STK31: variants seen among roughly 807,000 people sequenced by gnomAD.
STK31 encodes serine/threonine kinase 31.
In STK31, 89 loss-of-function variants were observed where a neutral mutation model predicts 129.7. The ratio of observed to expected loss-of-function variants is 0.69; its 90% confidence interval spans 0.58 to 0.82. The LOEUF (loss-of-function observed/expected upper bound fraction) is 0.82. Ranked by LOEUF, STK31 falls within the 40% of genes least tolerant of loss-of-function variation. The pLI is 0.00. For missense variants in STK31, 1,187 were observed against 1,176.4 expected (o/e 1.01, Z -0.13); for synonymous variants, 448 against 395.3 (o/e 1.13, Z -1.58).
intron 23 of STK31, among the ~76,000 whole-genome samples, chr7:23,816,654 CCT>C (rs1793488123): frequency 6.6e-6 from 1 of 152,200 alleles, no homozygotes; most frequent in African/African-American, 2.4e-5. Flanking sequence ...AATCCTTTGC[CCT>C]GTTTCCATCA....
At chr7:23,715,213 T>G (rs1360975487) in intron 3 of STK31, among the ~76,000 whole-genome samples, 1 of 152,150 alleles carries the variant, frequency 6.6e-6, no homozygotes, top group Non-Finnish European at 1.5e-5. Flanking sequence ...CTCCATTTTT[T>G]TTTGCCCTGT....
At chr7:23,760,811 T>A (rs938087016) in intron 10 of STK31, among the ~76,000 whole-genome samples, 4 of 151,950 alleles carry the variant, frequency 2.6e-5, no homozygotes, top group African/African-American at 9.7e-5. Flanking sequence ...GGCGGTGTAC[T>A]ACCAACCATG....
intron 4 of STK31, among the ~76,000 whole-genome samples, chr7:23,719,157 T>A (rs1786529823): frequency 1.3e-5 from 2 of 152,098 alleles, no homozygotes; most frequent in Admixed American, 1.3e-4. Flanking sequence ...TTTTTTCACT[T>A]TAATTTTCAT....
chr7:23,729,511 GTTT>G (rs72476098), intron 6 of STK31, among the ~76,000 whole-genome samples: 1 of 121,732 alleles, frequency 8.2e-6, no homozygotes, highest in African/African-American at 3.4e-5. Flanking sequence ...GTCTCTTTTT[GTTT>G]TTTTTTTTTT....
At chr7:23,713,844 AAAAT>A (rs1786127156) in intron 3 of STK31, among the ~76,000 whole-genome samples, 1 of 151,916 alleles carries the variant, frequency 6.6e-6, no homozygotes, top group African/African-American at 2.4e-5. Context: ...GGAGTACACT[AAAAT>A]AAGAAAAATT....
chr7:23,781,808 G>T lies in STK31; in HGVS notation c.2067+288G>T, dbSNP rs571457445. 2.0e-5 allele frequency among the ~76,000 whole-genome samples: 3 copies of T among 152,202 alleles called. No homozygotes were observed. The East Asian group carries it at 5.8e-4, about 29-fold the overall frequency. On this transcript the variant is annotated intron_variant, in intron 16 of 23. Coordinates refer to ENST00000355870, the MANE Select transcript of STK31 (RefSeq NM_031414.5). ...ATAGTAGTAATCACTGTTAACTTTT[G>T]ACTTTCTTTTAGTATTTTTTTGTTT...
chr7:23,816,725 G>A (rs1219297182), intron 23 of STK31, among the ~76,000 whole-genome samples: 1 of 152,198 alleles, frequency 6.6e-6, no homozygotes, highest in Admixed American at 6.5e-5. Context: ...TGTTCACTAA[G>A]ACAGAAGTCA....
intron 6 of STK31, among the ~76,000 whole-genome samples, chr7:23,732,597 G>A (rs1314198326): frequency 1.3e-5 from 2 of 152,156 alleles, no homozygotes; most frequent in African/African-American, 4.8e-5. Context: ...TGTGATTGGT[G>A]ACTGTAACTA....
intron 8 of STK31, among the ~76,000 whole-genome samples, chr7:23,738,341 C>T (rs927063626): frequency 2.6e-5 from 4 of 152,058 alleles, no homozygotes; most frequent in Non-Finnish European, 4.4e-5. Flanking sequence ...GTTTATCAAC[C>T]CAGAAGCTCC....
chr7:23,764,949 T>G (rs548645979), intron 11 of STK31, among the ~76,000 whole-genome samples: 1 of 83,372 alleles, frequency 1.2e-5, no homozygotes, highest in East Asian at 4.1e-4. Context: ...TTTTTTCACT[T>G]AGATTTTAAA....
At chr7:23,806,562 G>A (rs948302803) in intron 22 of STK31, among the ~76,000 whole-genome samples, 3 of 152,126 alleles carry the variant, frequency 2.0e-5, no homozygotes, top group African/African-American at 7.2e-5. Context: ...AAGCAGACTG[G>A]GGAATAGAAC....
rs1183100011 is a variant in STK31 at position 23,785,613 on chromosome 7, ACTT to A, written c.2274+17_2274+19del. ...GATAATTCTGTTAAAGGTAAGTCTA[ACTT>A]CTTCTTACTTGTGGGAGATTCAGCA... On this transcript the variant is annotated intron_variant, in intron 18 of 23. Coordinates refer to ENST00000355870, the MANE Select transcript of STK31 (RefSeq NM_031414.5). 2.5e-6 allele frequency: 4 copies of A among 1,605,936 alleles called. No homozygotes were observed. Among genetic ancestry groups the A allele is most frequent in the South Asian group, 2.2e-5 (2 of 90,764 alleles).
chr7:23,830,517 G>T (rs1274500397), intron 23 of STK31, among the ~76,000 whole-genome samples: 9 of 151,614 alleles, frequency 5.9e-5, no homozygotes, highest in African/African-American at 2.2e-4. Flanking sequence ...ATTGCTCGAA[G>T]ACATTTTCTA....
intron 15 of STK31, among the ~76,000 whole-genome samples, chr7:23,775,364 A>C (rs1332196529): frequency 6.6e-6 from 1 of 152,218 alleles, no homozygotes; most frequent in Non-Finnish European, 1.5e-5. Flanking sequence ...AATTCTGTGC[A>C]GAAATTCAGT....
intron 8 of STK31, among the ~76,000 whole-genome samples, chr7:23,751,701 T>C (rs2128092253): frequency 6.6e-6 from 1 of 152,318 alleles, no homozygotes; most frequent in Non-Finnish European, 1.5e-5. Flanking sequence ...TATTCCCTTT[T>C]GTTCTATTAG....
chr7:23,798,745 A>G (rs12700479), intron 22 of STK31, among the ~76,000 whole-genome samples: 74,249 of 151,932 alleles, frequency 0.49, 18,425 homozygotes, highest in Admixed American at 0.56. Flanking sequence ...GCAAGTTCTG[A>G]TCAGGGCAAT....
At position 23,783,574 on chromosome 7, in the gene STK31, TA is replaced by T. The variant is rs2061131220; in HGVS notation, c.2068-7del. ...TCTACAGTTAAAAACTTTTTTTTTT[TA>T]ACTTTAGGAGATGCTAACTAGTTTG... On this transcript the variant is annotated splice_region_variant and splice_polypyrimidine_tract_variant and intron_variant, in intron 16 of 23. Transcript: ENST00000355870. The T allele has an allele frequency of 6.3e-7, 1 of 1,591,774 alleles. No homozygotes were observed. Among genetic ancestry groups the T allele is most frequent in the African/African-American group, 1.4e-5 (1 of 73,704 alleles).
chr7:23,728,970 A>G, intron 5 of STK31, 121 bp from the exon 6 acceptor site: 1 of 806,506 alleles, frequency 1.2e-6, no homozygotes, highest in East Asian at 3.0e-5. Flanking sequence ...GTATTTTGTC[A>G]TTTTGAGGTA....
chr7:23,813,060 T>C (rs1343701543), intron 22 of STK31, among the ~76,000 whole-genome samples: 1 of 148,930 alleles, frequency 6.7e-6, no homozygotes, highest in African/African-American at 2.5e-5. Context: ...GTCTCACAGG[T>C]CCTTGAGGCT....
Sources: allele counts gnomAD v4.1 joint callset (sites outside exome capture counted in the v4.1 genomes callset), GRCh38; gene constraint gnomAD v4.1.1; transcripts MANE v1.5; gene names NCBI Gene and HGNC (gene_info 2026-07-23, HGNC 2026-07-21).